The following CRISPLD2 variants were observed in gnomAD, a reference collection of about 807,000 sequenced individuals.
The protein encoded by CRISPLD2 is cysteine-rich secretory protein LCCL domain-containing 2.
A neutral mutation model predicts 71.1 loss-of-function variants in CRISPLD2; 47 were observed. The ratio of observed to expected loss-of-function variants is 0.66; its 90% CI spans 0.52 to 0.84. CRISPLD2 has a LOEUF of 0.84. CRISPLD2 is among the 40% of genes least tolerant of loss of function. The probability of loss-of-function intolerance (pLI) is 0.00; values close to 1 mark genes in which losing one functional copy is unlikely to be tolerated. For synonymous variants in CRISPLD2, 317 were observed against 250.1 expected (o/e 1.27, Z -2.52); for missense variants, 830 against 651.1 (o/e 1.27, Z -2.99).
intron 5 of CRISPLD2, among the ~76,000 whole-genome samples, chr16:84,851,425 C>T (rs1024495301): frequency 4.0e-5 from 6 of 151,290 alleles, no homozygotes; most frequent in African/African-American, 1.5e-4. Context: ...TGGCCACCGC[C>T]GTTCTTGCCC....
intron 13 of CRISPLD2, among the ~76,000 whole-genome samples, chr16:84,883,138 TG>T (rs1322051543): frequency 6.6e-6 from 1 of 152,040 alleles, no homozygotes; most frequent in African/African-American, 2.4e-5. Flanking sequence ...AAATAAAGAA[TG>T]AAGGAGGGAA....
chr16:84,830,998 T>C (rs1209794594), intron 1 of CRISPLD2, among the ~76,000 whole-genome samples: 2 of 152,314 alleles, frequency 1.3e-5, no homozygotes, highest in East Asian at 3.9e-4. Flanking sequence ...TGGTTTTTGT[T>C]TTGGAAGCTG....
At chr16:84,849,284 C>A in intron 3 of CRISPLD2, 101 bp from the exon 4 acceptor site, 2 of 1,214,742 alleles carry the variant, frequency 1.6e-6, no homozygotes, top group South Asian at 1.6e-5. Context: ...GCTATTCACC[C>A]TCCTCGGCCT....
intron 1 of CRISPLD2, among the ~76,000 whole-genome samples, chr16:84,825,553 C>T (rs867604271): frequency 4.6e-5 from 7 of 152,050 alleles, no homozygotes; most frequent in African/African-American, 1.4e-4. Context: ...GTCAGGAGTT[C>T]GAGACCAGCC....
chr16:84,867,516 T>TCAC (rs1917574429), intron 7 of CRISPLD2, among the ~76,000 whole-genome samples: 1 of 152,190 alleles, frequency 6.6e-6, no homozygotes, highest in South Asian at 2.1e-4. Flanking sequence ...GCAACACGGG[T>TCAC]CACCCAGTGC....
At chr16:84,821,475 A>G (rs983580556) in intron 1 of CRISPLD2, among the ~76,000 whole-genome samples, 1 of 152,092 alleles carries the variant, frequency 6.6e-6, no homozygotes, top group African/African-American at 2.4e-5. Context: ...TGCCCACTTC[A>G]CAGCTGAGGA....
chr16:84,830,219 G>A (rs957223797), intron 1 of CRISPLD2, among the ~76,000 whole-genome samples: 1 of 152,176 alleles, frequency 6.6e-6, no homozygotes. Flanking sequence ...CAACTTGGGA[G>A]GCTGAGGTGG....
chr16:84,879,534 G>A (rs994373719), intron 12 of CRISPLD2, among the ~76,000 whole-genome samples: 2 of 152,014 alleles, frequency 1.3e-5, no homozygotes, highest in African/African-American at 4.8e-5. Context: ...GGCTAATTTT[G>A]TATTTTTAGT....
At chr16:84,873,878 A>T in intron 10 of CRISPLD2, 42 bp from the exon 11 acceptor site, 1 of 1,534,762 alleles carries the variant, frequency 6.5e-7, no homozygotes, top group Non-Finnish European at 8.8e-7. Context: ...TTCTATTTGC[A>T]TTTACCTAAT....
chr16:84,849,353 C>T (rs1917011769), intron 3 of CRISPLD2, 32 bp from the exon 4 acceptor site: 2 of 1,600,462 alleles, frequency 1.2e-6, no homozygotes, highest in African/African-American at 2.7e-5. Context: ...AGGGGAGGGG[C>T]TGGGACTGAG....
At position 84,907,609 on chromosome 16, in the gene CRISPLD2, G is replaced by C. The variant is rs556085729; in HGVS notation, c.*967G>C. ...GAGATGTCTGAGAACAACCAAAGAAGGCCTGCTCTTTGCTGCTTTTAAAAA... is the reference window on the plus strand; with the variant it reads ...GAGATGTCTGAGAACAACCAAAGAACGCCTGCTCTTTGCTGCTTTTAAAAA... On this transcript the variant is annotated 3_prime_UTR_variant, in exon 15 of 15. Coordinates refer to ENST00000262424, the MANE Select transcript of CRISPLD2 (RefSeq NM_031476.4). The C allele has an allele frequency of 6.6e-6, 1 of 152,316 alleles. No homozygotes were observed. The highest frequency in any genetic ancestry group is 1.5e-5 in the Non-Finnish European group (1 of 68,028). 9.4% of individuals were successfully genotyped at this position (152,316 alleles called of 1,614,324 possible).
At chr16:84,856,500 C>T (rs931047233) in intron 6 of CRISPLD2, among the ~76,000 whole-genome samples, 9 of 152,138 alleles carry the variant, frequency 5.9e-5, no homozygotes, top group Non-Finnish European at 8.8e-5. Flanking sequence ...GACCTCTAGG[C>T]CAGCAGAATG....
chr16:84,846,157 C>T, intron 3 of CRISPLD2: 1 of 349,734 alleles, frequency 2.9e-6, no homozygotes, highest in Non-Finnish European at 5.0e-6. Flanking sequence ...TTTCCTTCTT[C>T]CTTTCCTTCT....
chr16:84,858,904 C>T (rs186563793), intron 6 of CRISPLD2, among the ~76,000 whole-genome samples: 4 of 152,296 alleles, frequency 2.6e-5, no homozygotes, highest in Non-Finnish European at 5.9e-5. Flanking sequence ...ATTGGAGTCA[C>T]CACTTGGTTA....
chr16:84,830,682 C>A (rs1916466702), intron 1 of CRISPLD2, among the ~76,000 whole-genome samples: 2 of 151,596 alleles, frequency 1.3e-5, no homozygotes, highest in African/African-American at 2.4e-5. Context: ...TAGCCTCAGC[C>A]TGGGCTACAG....
chr16:84,872,446 C>G lies in CRISPLD2; in HGVS notation c.919C>G (p.Gln307Glu), dbSNP rs1406103502. 1.2e-6 allele frequency: 2 copies of G among 1,613,538 alleles called. No homozygotes were observed. Among genetic ancestry groups the G allele is most frequent in the Non-Finnish European group, 1.7e-6 (2 of 1,179,692 alleles). Residue 307 changes from glutamine (Q) to glutamate (E), a missense_variant, in exon 9 of 15, where the codon CAG becomes GAG. Physicochemically the swap from Gln to Glu is conservative, Grantham distance 29. Coordinates refer to ENST00000262424, the MANE Select transcript of CRISPLD2 (RefSeq NM_031476.4). ...ATTTTATTTCTTCCTCGTCAGGTAC[C>G]AGTGCCCAGCAGGCTGCCTGAACCA... is the stretch of plus-strand genomic sequence containing the variant. Reference protein sequence around the residue: ...RCKGSTCNRYQCPAGCLNHKA... With the variant: ...RCKGSTCNRYECPAGCLNHKA...
chr16:84,897,904 A>G (rs1358557661), intron 14 of CRISPLD2, among the ~76,000 whole-genome samples: 1 of 152,218 alleles, frequency 6.6e-6, no homozygotes, highest in Non-Finnish European at 1.5e-5. Flanking sequence ...GGCGTGAGCT[A>G]CCACACCCGG....
intron 14 of CRISPLD2, among the ~76,000 whole-genome samples, chr16:84,902,467 A>C (rs1263860008): frequency 2.0e-5 from 3 of 151,710 alleles, no homozygotes; most frequent in Non-Finnish European, 4.4e-5. Flanking sequence ...AAAATTAGCC[A>C]GGCGTGGTGT....
intron 6 of CRISPLD2, chr16:84,862,901 G>C (rs12599750): frequency 1.3e-5 from 2 of 152,122 alleles, no homozygotes; most frequent in African/African-American, 4.8e-5. Context: ...CTGACTGCCC[G>C]CTGGGGAGAG....
Sources: allele counts gnomAD v4.1 joint callset (sites outside exome capture counted in the v4.1 genomes callset), GRCh38; gene constraint gnomAD v4.1.1; transcripts MANE v1.5; gene names NCBI Gene and HGNC (gene_info 2026-07-23, HGNC 2026-07-21).